Variants in MAPKBP1 observed in about 807,000 individuals in gnomAD.
MAPKBP1 encodes the protein mitogen-activated protein kinase binding protein 1.
A neutral mutation model predicts 170.5 loss-of-function variants in MAPKBP1; 71 were observed. That is an observed-to-expected ratio of 0.42 (90% CI 0.34 to 0.51). MAPKBP1 has a LOEUF of 0.51. Among genes scored for constraint, MAPKBP1 ranks in the 20% least tolerant of loss-of-function variants. The probability of loss-of-function intolerance (pLI) is 0.06; values close to 1 mark genes in which losing one functional copy is unlikely to be tolerated. For missense variants in MAPKBP1, 1,598 were observed against 1,933.0 expected, an observed-to-expected ratio of 0.83 and a Z score of 3.25; for synonymous variants, 719 against 757.9, an observed-to-expected ratio of 0.95 and a Z score of 0.84.
intron 12 of MAPKBP1, 70 bp downstream of exon 12, chr15:41,815,869 G>T: frequency 6.6e-7 from 1 of 1,508,510 alleles, no homozygotes; most frequent in African/African-American, 1.4e-5. Context: ...GAACTTTAGG[G>T]AGGGTTTGGC....
chr15:41,783,274 A>C (rs1468139817), intron 2 of MAPKBP1, among the ~76,000 whole-genome samples: 1 of 152,056 alleles, frequency 6.6e-6, no homozygotes, highest in African/African-American at 2.4e-5. Context: ...CTGTTTTGTT[A>C]TCTCTTGTTA....
chr15:41,775,893 A>G (rs12905630), intron 2 of MAPKBP1, among the ~76,000 whole-genome samples: 5 of 152,190 alleles, frequency 3.3e-5, no homozygotes, highest in South Asian at 2.1e-4. Flanking sequence ...TTGTCTCTTC[A>G]AGAGGCTAAC....
In MAPKBP1 at chr15:41,825,508, A is replaced by C; in HGVS notation, c.*72A>C. ...ACTGCAGCCCCTCTGCCCCTCACCA[A>C]AACCTGCGGGGCTGCTTGGAGTGGA... is the stretch of plus-strand genomic sequence containing the variant. On this transcript the variant is annotated 3_prime_UTR_variant, in exon 31 of 31. Coordinates refer to ENST00000457542, the MANE Select transcript of MAPKBP1 (RefSeq NM_014994.3). 1 of 1,362,674 alleles carries C rather than the reference A, an allele frequency of 7.3e-7. No homozygotes were observed. The highest frequency in any genetic ancestry group is 1.0e-6 in the Non-Finnish European group (1 of 1,000,466). 84.4% of individuals were successfully genotyped at this position (1,362,674 alleles called of 1,614,324 possible).
Position 41,821,990 on chromosome 15 carries a change from C to G in MAPKBP1, c.2911C>G (p.Arg971Gly), listed in dbSNP as rs753767033. 2 of 1,610,494 alleles carry G rather than the reference C, an allele frequency of 1.2e-6. No homozygotes were observed. Among genetic ancestry groups the G allele is most frequent in the East Asian group, 2.2e-5 (1 of 44,718 alleles). Residue 971 changes from arginine (R) to glycine (G), a missense_variant, in exon 25 of 31, where the codon CGG becomes GGG. Arg to Gly is a moderately radical substitution (Grantham distance 125). This residue lies in a region of MAPKBP1 where 942 missense variants were observed against 953.2 expected (regional missense o/e 0.99). Transcript: ENST00000457542. ...TGAGTTCCAAGTGCAGGCTCCAGCC[C>G]GGGGAACTCTGGGAAGAGTGTACCC... ...TSEFQVQAPA[R>G]GTLGRVYPGS... is the part of the protein sequence containing the mutation.
In MAPKBP1 at chr15:41,822,123, C is replaced by T; in HGVS notation, c.3031+13C>T. On this transcript the variant is annotated intron_variant, in intron 25 of 30. Transcript: ENST00000457542. ...CACCCCACTGAAGGTGAGGCTGTAG[C>T]CTGGAGGGAGGGGCCATGGGGGGTG... The T allele has an allele frequency of 1.3e-6, 2 of 1,594,424 alleles. No homozygotes were observed. The highest frequency in any genetic ancestry group is 2.3e-5 in the East Asian group (1 of 43,998).
intron 24 of MAPKBP1, 43 bp from the exon 25 acceptor site, chr15:41,821,922 C>T (rs199661010): frequency 1.3e-6 from 2 of 1,599,966 alleles, no homozygotes; most frequent in East Asian, 2.2e-5. Context: ...TGCTGCCTAC[C>T]CCTGCTCACT....
In MAPKBP1 at chr15:41,821,081, T is replaced by TC; in HGVS notation, c.2718+14dup. The TC allele has an allele frequency of 6.2e-7, 1 of 1,611,808 alleles. No individual in the cohort carries two copies. The stretch of plus-strand genomic sequence containing the variant: ...ACTCACTAGCCAGGTGAGCCTGCTT[T>TC]CTCCCAGCTCTCTAGAGAGTTCCAA... On this transcript the variant is annotated intron_variant, in intron 23 of 30. Transcript: ENST00000457542.
intron 4 of MAPKBP1, 33 bp downstream of exon 4, chr15:41,810,978 C>G: frequency 6.2e-7 from 1 of 1,612,414 alleles, no homozygotes; most frequent in Non-Finnish European, 8.5e-7. Flanking sequence ...GATACCTCTT[C>G]CTTCTGGGAG....
At chr15:41,790,634 A>G (rs1276482936) in intron 2 of MAPKBP1, among the ~76,000 whole-genome samples, 2 of 151,984 alleles carry the variant, frequency 1.3e-5, no homozygotes, top group African/African-American at 4.8e-5. Context: ...TAAGCAGGAT[A>G]CCCTTTTTTT....
chr15:41,820,125 A>T (rs1252217806), intron 22 of MAPKBP1, among the ~76,000 whole-genome samples: 1 of 152,206 alleles, frequency 6.6e-6, no homozygotes, highest in Non-Finnish European at 1.5e-5. Flanking sequence ...AAAGGCCATG[A>T]GGGGACCCAT....
intron 21 of MAPKBP1, 28 bp from the exon 22 acceptor site, chr15:41,819,567 C>G: frequency 6.6e-7 from 1 of 1,516,910 alleles, no homozygotes; most frequent in Non-Finnish European, 9.1e-7. Flanking sequence ...GCAGGAGACA[C>G]TTCCTCTGAC....
At chr15:41,820,713 G>C in intron 22 of MAPKBP1, 119 bp from the exon 23 acceptor site, 1 of 712,602 alleles carries the variant, frequency 1.4e-6, no homozygotes, top group Non-Finnish European at 2.4e-6. Flanking sequence ...AGGTTGCTGT[G>C]AGGATGAAGT....
chr15:41,788,165 C>T (rs2064332923), intron 2 of MAPKBP1, among the ~76,000 whole-genome samples: 1 of 152,108 alleles, frequency 6.6e-6, no homozygotes, highest in African/African-American at 2.4e-5. Context: ...ACCATGTTGG[C>T]CAGGCTTGTC....
intron 10 of MAPKBP1, among the ~76,000 whole-genome samples, 189 bp from the exon 11 acceptor site, chr15:41,815,070 C>T (rs2064867152): frequency 6.6e-6 from 1 of 152,182 alleles, no homozygotes; most frequent in African/African-American, 2.4e-5. Context: ...AGAAGAGTGC[C>T]TGATATATAG....
chr15:41,807,075 C>T (rs2064710438), intron 3 of MAPKBP1, among the ~76,000 whole-genome samples: 1 of 152,138 alleles, frequency 6.6e-6, no homozygotes, highest in Non-Finnish European at 1.5e-5. Flanking sequence ...AAGGGATGAC[C>T]TCTGTGTGTT....
chr15:41,819,071 C>G (rs534681693), intron 20 of MAPKBP1, 114 bp downstream of exon 20: 1 of 1,512,368 alleles, frequency 6.6e-7, no homozygotes, highest in South Asian at 1.2e-5. Context: ...CTCCCAAGAC[C>G]TTACCTCTCA....
intron 7 of MAPKBP1, 21 bp from the exon 8 acceptor site, chr15:41,812,898 A>T: frequency 6.3e-7 from 1 of 1,580,798 alleles, no homozygotes; most frequent in Non-Finnish European, 8.6e-7. Flanking sequence ...ATGGGGGTGT[A>T]ACAGTGGTGT....
At chr15:41,812,702 G>A in intron 7 of MAPKBP1, 49 bp downstream of exon 7, 8 of 1,545,750 alleles carry the variant, frequency 5.2e-6, no homozygotes, top group Non-Finnish European at 6.1e-6. Context: ...GGCAGGGCCT[G>A]CCCAGCCCAA....
rs2065087311 is a variant in MAPKBP1 at position 41,826,089 on chromosome 15, T to A, written c.*653T>A. ...TCCCTCCAAGAGGGGCCCAGCATTGTATTTCCCTGTGACCCCTTACTCTCC... is the reference window on the plus strand; with the variant it reads ...TCCCTCCAAGAGGGGCCCAGCATTGAATTTCCCTGTGACCCCTTACTCTCC... On this transcript the variant is annotated 3_prime_UTR_variant, in exon 31 of 31. Coordinates refer to ENST00000457542, the MANE Select transcript of MAPKBP1 (RefSeq NM_014994.3). The A allele has an allele frequency of 6.5e-6, 1 of 152,796 alleles. No individual in the cohort carries two copies. The highest frequency in any genetic ancestry group is 2.4e-5 in the African/African-American group (1 of 41,454). 9.5% of individuals were successfully genotyped at this position (152,796 alleles called of 1,614,324 possible).
Sources: allele counts gnomAD v4.1 joint callset (sites outside exome capture counted in the v4.1 genomes callset), GRCh38; gene constraint gnomAD v4.1.1; regional missense constraint gnomAD v4.1.1; transcripts MANE v1.5; gene names NCBI Gene and HGNC (gene_info 2026-07-23, HGNC 2026-07-21).